PLAGL1: variants seen among roughly 807,000 people sequenced by gnomAD.
PLAGL1 encodes the protein PLAG1 like zinc finger 1, also known as zinc finger protein PLAGL1.
Under a neutral mutation model 4.6 loss-of-function variants are expected in PLAGL1, and 1 was observed. The ratio of observed to expected loss-of-function variants is 0.22; its 90% CI spans 0.08 to 1.03. PLAGL1 has a LOEUF of 1.03. Among genes scored for constraint, PLAGL1 ranks in the 50% least tolerant of loss-of-function variants. The probability of loss-of-function intolerance (pLI) is 0.58; values close to 1 mark genes in which losing one functional copy is unlikely to be tolerated. For missense variants in PLAGL1, 464 were observed against 570.4 expected, an observed-to-expected ratio of 0.81 and a Z score of 1.90; for synonymous variants, 240 against 237.8, an observed-to-expected ratio of 1.01 and a Z score of -0.08.
In PLAGL1 at chr6:143,964,320, T is replaced by C. The variant is rs1487330443; in HGVS notation, c.-399+467A>G. ...ACTTTGATAAACTGAAGGTCAGAGG[T>C]GGGTTCCTCATCTTCCAGAGGCCAT... On this transcript the variant is annotated intron_variant, in intron 5 of 7. Coordinates refer to ENST00000674357, the MANE Select transcript of PLAGL1 (RefSeq NM_001317162.2). This position sits in a 1 kb window ranked among gnomAD's most constrained non-coding sequence, Gnocchi z 4.3. Among the ~76,000 whole-genome samples, 2 of 151,994 alleles carry C rather than the reference T, an allele frequency of 1.3e-5. No homozygotes were observed. The highest frequency in any genetic ancestry group is 4.8e-5 in the African/African-American group (2 of 41,358).
intron 1 of PLAGL1, among the ~76,000 whole-genome samples, chr6:144,030,807 C>A (rs1583791953): frequency 6.6e-6 from 1 of 152,194 alleles, no homozygotes; most frequent in South Asian, 2.1e-4. Context: ...CATGAGTGTG[C>A]AAGTATCTTT....
chr6:143,959,306 G>A lies in PLAGL1; in HGVS notation c.-325+1163C>T, dbSNP rs769088019. On this transcript the variant is annotated intron_variant, in intron 6 of 7. Transcript: ENST00000674357. The surrounding 1 kb of genome is among the most constrained non-coding windows in gnomAD (Gnocchi z 5.3). ...TGTGTTAGCCACACCCCACCTGTTC[G>A]CAGCCCATGGACTCGCCACTGAATA... 3.9e-5 allele frequency among the ~76,000 whole-genome samples: 6 copies of A among 152,010 alleles called. No homozygotes were observed. The highest frequency in any genetic ancestry group is 6.5e-5 in the Admixed American group (1 of 15,274).
At chr6:143,943,259 T>C (rs1376710804) in intron 7 of PLAGL1, among the ~76,000 whole-genome samples, 1 of 152,034 alleles carries the variant, frequency 6.6e-6, no homozygotes, top group Non-Finnish European at 1.5e-5. Flanking sequence ...AAAAATCTTT[T>C]TCAGGAAGGG....
At chr6:144,045,174 C>T (rs1209141624) in intron 1 of PLAGL1, among the ~76,000 whole-genome samples, 1 of 151,900 alleles carries the variant, frequency 6.6e-6, no homozygotes, top group Non-Finnish European at 1.5e-5. Context: ...GGGAATTTAG[C>T]CCATTTACAT....
At chr6:144,023,108 C>G (rs1410191880) in intron 1 of PLAGL1, among the ~76,000 whole-genome samples, 1 of 152,158 alleles carries the variant, frequency 6.6e-6, no homozygotes, top group Non-Finnish European at 1.5e-5. Context: ...TTAATGCATA[C>G]TGCTAAGAAA....
intron 1 of PLAGL1, among the ~76,000 whole-genome samples, chr6:143,986,043 T>C (rs994582561): frequency 6.9e-6 from 1 of 145,218 alleles, no homozygotes; most frequent in Non-Finnish European, 1.5e-5. Flanking sequence ...CTTTGATGTA[T>C]GCACATTGAC....
In PLAGL1 at chr6:143,962,235, CA is replaced by C. The variant is rs1783533247; in HGVS notation, c.-398-1694del. On this transcript the variant is annotated intron_variant, in intron 5 of 7. Transcript: ENST00000674357. The surrounding 1 kb of genome is among the most constrained non-coding windows in gnomAD (Gnocchi z 5.3). ...ACGATTTAATAAAGCAGAGAACAGACAGGAAAAATAACACATCTCAGTTTGA... is the reference window on the plus strand; with the variant it reads ...ACGATTTAATAAAGCAGAGAACAGACGGAAAAATAACACATCTCAGTTTGA... Among the ~76,000 whole-genome samples, 1 of 152,170 alleles carries C rather than the reference CA, an allele frequency of 6.6e-6. No homozygotes were observed. The highest frequency in any genetic ancestry group is 1.5e-5 in the Non-Finnish European group (1 of 68,036).
At chr6:143,951,290 T>G (rs1781031889) in intron 6 of PLAGL1, among the ~76,000 whole-genome samples, 1 of 152,208 alleles carries the variant, frequency 6.6e-6, no homozygotes, top group African/African-American at 2.4e-5. Flanking sequence ...TATAGAACCA[T>G]GTGTCAATGT....
At chr6:144,044,957 G>A (rs1429678118) in intron 1 of PLAGL1, among the ~76,000 whole-genome samples, 1 of 143,596 alleles carries the variant, frequency 7.0e-6, no homozygotes, top group African/African-American at 2.6e-5. Context: ...GATCTTTGTT[G>A]GTTTAAAGTC....
chr6:144,054,726 G>A (rs1045885871), intron 1 of PLAGL1, among the ~76,000 whole-genome samples: 5 of 150,726 alleles, frequency 3.3e-5, no homozygotes, highest in Non-Finnish European at 5.9e-5. Context: ...AAACCTGCAC[G>A]TTGTACCCAT....
rs1799634594 is a variant in PLAGL1 at position 144,064,000 on chromosome 6, T to C, written c.-151+468A>G. Reference sequence around the variant, plus strand: ...AAGCTGGCACTTGAGATTCTCCCGTTGGGGTGGTTCAGCAATGATCACCCC... The same window carrying C: ...AAGCTGGCACTTGAGATTCTCCCGTCGGGGTGGTTCAGCAATGATCACCCC... On this transcript the variant is annotated intron_variant, in intron 1 of 3. Transcript: ENST00000437412. This position sits in a 1 kb window ranked among gnomAD's most constrained non-coding sequence, Gnocchi z 5.7. 6.6e-6 allele frequency among the ~76,000 whole-genome samples: 1 copy of C among 152,160 alleles called. No individual in the cohort carries two copies.
At chr6:144,014,201 C>T (rs868062907) in intron 1 of PLAGL1, among the ~76,000 whole-genome samples, 3 of 152,032 alleles carry the variant, frequency 2.0e-5, no homozygotes, top group African/African-American at 4.8e-5. Context: ...GAGGCCGAGG[C>T]GGGCAGATCA....
rs1784158617 is a variant in PLAGL1, at chr6:143,965,036, G to A, written c.-430-218C>T. On this transcript the variant is annotated intron_variant, in intron 4 of 7. Transcript: ENST00000674357. This position sits in a 1 kb window ranked among gnomAD's most constrained non-coding sequence, Gnocchi z 7.5. The stretch of plus-strand genomic sequence containing the variant: ...GTAGCATGCTGGCACGGAGCGGGAT[G>A]GCTGATTTCCATAAGATGGAAATGA... The A allele has an allele frequency of 6.6e-6, 1 of 152,162 alleles. No individual in the cohort carries two copies. The highest frequency in any genetic ancestry group is 1.5e-5 in the Non-Finnish European group (1 of 68,048). The allele number at this position is 152,162 out of a possible 1,614,324, so 9.4% of individuals were successfully genotyped here.
At chr6:144,025,841 C>T (rs1464507241) in intron 1 of PLAGL1, among the ~76,000 whole-genome samples, 8 of 152,106 alleles carry the variant, frequency 5.3e-5, no homozygotes, top group Middle Eastern at 3.4e-3. Flanking sequence ...TGCAGTGAGC[C>T]GAGATCATAC....
Position 144,027,305 on chromosome 6 carries a change from C to T in PLAGL1, c.-151+37163G>A, listed in dbSNP as rs1000450281. 7.1e-6 allele frequency among the ~76,000 whole-genome samples: 1 copy of T among 140,182 alleles called. No individual in the cohort carries two copies. Among genetic ancestry groups the T allele is most frequent in the African/African-American group, 2.8e-5 (1 of 36,264 alleles). The allele number at this position is 140,182 out of a possible 152,430, so 92.0% of individuals were successfully genotyped here. On this transcript the variant is annotated intron_variant, in intron 1 of 3. Coordinates refer to the PLAGL1 transcript ENST00000437412. The surrounding 1 kb of genome is among the most constrained non-coding windows in gnomAD (Gnocchi z 5.8). ...AAAGAAAGAAAGAAAGTTATTTGAT[C>T]TGAAGTACAATGTCTTTAAGAAGTG...
In PLAGL1 at chr6:143,990,395, A is replaced by C. The variant is rs113031344; in HGVS notation, c.-583-5221T>G. On this transcript the variant is annotated intron_variant, in intron 1 of 7. Coordinates refer to ENST00000674357, the MANE Select transcript of PLAGL1 (RefSeq NM_001317162.2). The surrounding 1 kb of genome is among the most constrained non-coding windows in gnomAD (Gnocchi z 5.4). ...TGGCCTCCCAAAGTGCAGGGATTAC[A>C]GGTGTGAGCCATCGTGCCCGGCTGA... is the stretch of plus-strand genomic sequence containing the variant. Among the ~76,000 whole-genome samples the C allele has an allele frequency of 5.3e-3, 808 of 152,336 alleles. 1 individual carries two copies. The highest frequency in any genetic ancestry group is 8.2e-3 in the Non-Finnish European group (558 of 68,026).
In PLAGL1 at chr6:143,990,025, T is replaced by C. The variant is rs1790091503; in HGVS notation, c.-583-4851A>G. On this transcript the variant is annotated intron_variant, in intron 1 of 7. Transcript: ENST00000674357. This position sits in a 1 kb window ranked among gnomAD's most constrained non-coding sequence, Gnocchi z 5.4. ...ACCCTCCCTAAAACCAGAGGCCAAC[T>C]CCACCTCTCTATTCAAAATTTCTTA... is the stretch of plus-strand genomic sequence containing the variant. 6.6e-6 allele frequency among the ~76,000 whole-genome samples: 1 copy of C among 152,168 alleles called. No homozygotes were observed. The highest frequency in any genetic ancestry group is 1.5e-5 in the Non-Finnish European group (1 of 68,018).
rs1405040419 is a variant in PLAGL1, at chr6:143,989,541, G to A, written c.-583-4367C>T. On this transcript the variant is annotated intron_variant, in intron 1 of 7. Transcript: ENST00000674357. The surrounding 1 kb of genome is among the most constrained non-coding windows in gnomAD (Gnocchi z 4.8). ...CAGTCTCCTCCTGTCCTTGGACTGG[G>A]ATTTATACCCCTGGTTCCTCTGCTT... Among the ~76,000 whole-genome samples, 2 of 152,162 alleles carry A rather than the reference G, an allele frequency of 1.3e-5. No homozygotes were observed. Among genetic ancestry groups the A allele is most frequent in the African/African-American group, 4.8e-5 (2 of 41,424 alleles).
At position 144,006,026 on chromosome 6, in the gene PLAGL1, G is replaced by C. The variant is rs1794097131; in HGVS notation, c.-584+2064C>G. 1.3e-5 allele frequency: 2 copies of C among 152,088 alleles called. No individual in the cohort carries two copies. Among genetic ancestry groups the C allele is most frequent in the African/African-American group, 4.8e-5 (2 of 41,432 alleles). The allele number at this position is 152,088 out of a possible 1,614,324, so 9.4% of individuals were successfully genotyped here. On this transcript the variant is annotated intron_variant, in intron 1 of 7. Coordinates refer to ENST00000674357, the MANE Select transcript of PLAGL1 (RefSeq NM_001317162.2). The surrounding 1 kb of genome is among the most constrained non-coding windows in gnomAD (Gnocchi z 4.3). ...CCAGTTGTGTACAAAACATGTAAAT[G>C]TGACTTTTGGGAAAGCAAACACACC...
Sources: allele counts gnomAD v4.1 joint callset (sites outside exome capture counted in the v4.1 genomes callset), GRCh38; gene constraint gnomAD v4.1.1; non-coding constraint Gnocchi (gnomAD v3.1); transcripts MANE v1.5; gene names NCBI Gene and HGNC (gene_info 2026-07-23, HGNC 2026-07-21).